SVIP: variants seen among roughly 807,000 people sequenced by gnomAD.
SVIP encodes the protein small VCP/p97-interacting protein.
In SVIP, 14 loss-of-function variants were observed where a neutral mutation model predicts 12.9. The observed-to-expected ratio is 1.08, with a 90% CI of 0.72 to 1.70. The LOEUF (loss-of-function observed/expected upper bound fraction) is 1.70, where lower values mean the gene tolerates loss of function less well. Among genes scored for constraint, SVIP ranks in the 40% most tolerant of loss-of-function variants. The pLI, the probability that SVIP is intolerant of heterozygous loss-of-function variation, is 0.00. For missense variants in SVIP, 93 were observed against 90.8 expected, an observed-to-expected ratio of 1.02 and a Z score of -0.10; for synonymous variants, 35 against 33.3, an observed-to-expected ratio of 1.05 and a Z score of -0.17.
At chr11:22,829,142 T>G (rs1056102193) in intron 1 of SVIP, 2 of 152,238 alleles carry the variant, frequency 1.3e-5, no homozygotes, top group Non-Finnish European at 2.9e-5. Context: ...TTGGACACTC[T>G]GTACTACATA....
intron 3 of SVIP, among the ~76,000 whole-genome samples, chr11:22,824,597 T>C (rs1278870721): frequency 6.6e-6 from 1 of 151,854 alleles, no homozygotes; most frequent in African/African-American, 2.4e-5. Context: ...ATTGTACAAT[T>C]TCTTAGAGGC....
chr11:22,823,626 C>A (rs571330397), intron 3 of SVIP, among the ~76,000 whole-genome samples: 5 of 152,306 alleles, frequency 3.3e-5, no homozygotes, highest in Admixed American at 1.3e-4. Context: ...CAACCCCAGG[C>A]AGTTTTCCTT....
At chr11:22,823,759 TCA>T (rs1857566071) in intron 3 of SVIP, among the ~76,000 whole-genome samples, 1 of 152,220 alleles carries the variant, frequency 6.6e-6, no homozygotes, top group African/African-American at 2.4e-5. Flanking sequence ...AGACAGGGTC[TCA>T]CTCTATCGCC....
In SVIP at chr11:22,823,050, T is replaced by A; in HGVS notation, c.*69A>T. On this transcript the variant is annotated 3_prime_UTR_variant, in exon 4 of 4. Transcript: ENST00000354193. ...TTTACTCAAAGAGAAGAAATTAAAT[T>A]GATGAAGCCCACTTGATTGCAGATA... 1 of 1,330,492 alleles carries A rather than the reference T, an allele frequency of 7.5e-7. No homozygotes were observed. Among genetic ancestry groups the A allele is most frequent in the South Asian group, 1.3e-5 (1 of 74,714 alleles). The allele number at this position is 1,330,492 out of a possible 1,614,324, so 82.4% of individuals were successfully genotyped here.
At chr11:22,824,511 CACAT>C (rs1226194133) in intron 3 of SVIP, among the ~76,000 whole-genome samples, 10 of 145,558 alleles carry the variant, frequency 6.9e-5, no homozygotes, top group African/African-American at 2.0e-4. Context: ...TATATATACA[CACAT>C]ATATATATAA....
chr11:22,827,982 T>C, intron 1 of SVIP, 108 bp from the exon 2 acceptor site: 3 of 757,774 alleles, frequency 4.0e-6, no homozygotes, highest in Non-Finnish European at 5.8e-6. Flanking sequence ...TATTCGGTAC[T>C]GGCCCTAAAT....
rs1392104468 is a variant in SVIP, at chr11:22,820,289, A to G, written c.*2830T>C. On this transcript the variant is annotated 3_prime_UTR_variant, in exon 4 of 4. Transcript: ENST00000354193. ...ATAATGCTTATCAGTGAAAATAAAA[A>G]GTCAAACATTTGGAGAAAGGGAAAA... is the stretch of plus-strand genomic sequence containing the variant. 1 of 152,236 alleles carries G rather than the reference A, an allele frequency of 6.6e-6. No individual in the cohort carries two copies. Among genetic ancestry groups the G allele is most frequent in the African/African-American group, 2.4e-5 (1 of 41,462 alleles). 9.4% of individuals were successfully genotyped at this position (152,236 alleles called of 1,614,324 possible).
rs531484330 is a variant in SVIP at position 22,823,527 on chromosome 11, G to A, written c.220-394C>T. Among the ~76,000 whole-genome samples the A allele has an allele frequency of 5.9e-5, 9 of 152,186 alleles. No individual in the cohort carries two copies. The South Asian group carries it at 1.9e-3, about 32-fold the overall frequency. On this transcript the variant is annotated intron_variant, in intron 3 of 3. Transcript: ENST00000354193. ...ACGTCCTTCAATGCTTTAGCCCAAG[G>A]AGTCATGTAGTACCTCCCCTTCTAA...
intron 3 of SVIP, among the ~76,000 whole-genome samples, chr11:22,823,486 C>T (rs994238423): frequency 6.6e-6 from 1 of 152,038 alleles, no homozygotes; most frequent in African/African-American, 2.4e-5. Context: ...TGTTCCAGTC[C>T]CTCCCTAAAG....
At chr11:22,829,124 A>G (rs1003419175) in intron 1 of SVIP, 6 of 152,208 alleles carry the variant, frequency 3.9e-5, no homozygotes, top group African/African-American at 1.4e-4. Context: ...TAAATACGAC[A>G]TTATAAATTG....
intron 3 of SVIP, among the ~76,000 whole-genome samples, 172 bp from the exon 4 acceptor site, chr11:22,823,305 G>A (rs935254686): frequency 6.6e-6 from 1 of 152,186 alleles, no homozygotes; most frequent in Non-Finnish European, 1.5e-5. Context: ...CCTGAAATAA[G>A]ATGATAGTTT....
rs766304001 is a variant in SVIP, at chr11:22,827,266, TTTTC to T, written c.156_159del (p.Lys53ArgfsTer4). ...GCAATTTGTTTTTCTATTTTTTCCT[TTTTC>T]TTTCTCTTTTCTTGCACAGATTGAA... On this transcript the variant is annotated frameshift_variant, in exon 3 of 4. Transcript: ENST00000354193. LOFTEE classifies it high-confidence loss of function. 11 of 1,611,136 alleles carry T rather than the reference TTTTC, an allele frequency of 6.8e-6. No individual in the cohort carries two copies. The South Asian group carries it at 7.7e-5, about 11-fold the overall frequency.
In SVIP at chr11:22,821,098, TTA is replaced by T. The variant is rs1455698025; in HGVS notation, c.*2019_*2020del. The T allele has an allele frequency of 2.7e-5, 4 of 148,252 alleles. No homozygotes were observed. In the East Asian group the frequency reaches 7.8e-4, roughly 29 times the overall value. The allele number at this position is 148,252 out of a possible 1,614,324, so 9.2% of individuals were successfully genotyped here. A position where few individuals can be genotyped will look rare whatever the true frequency, so the allele number is the denominator to read the frequency against. On this transcript the variant is annotated 3_prime_UTR_variant, in exon 4 of 4. Coordinates refer to ENST00000354193, the MANE Select transcript of SVIP (RefSeq NM_148893.3). ...ATATATAAATTAGAATTTGCAGATA[TTA>T]TGTGTATATATATACACACATATAT...
intron 3 of SVIP, among the ~76,000 whole-genome samples, chr11:22,826,610 G>A (rs899452540): frequency 2.0e-5 from 3 of 152,082 alleles, no homozygotes; most frequent in African/African-American, 4.8e-5. Context: ...AGCATTCAGA[G>A]ACTCTGCTTA....
rs991495522 is a variant in SVIP, at chr11:22,821,580, C to G, written c.*1539G>C. Reference sequence around the variant, plus strand: ...TTGCAGAGTTCAAGGATGATATGCTCTAGCTCTATATGCACTCCGCTATCA... The same window carrying G: ...TTGCAGAGTTCAAGGATGATATGCTGTAGCTCTATATGCACTCCGCTATCA... On this transcript the variant is annotated 3_prime_UTR_variant, in exon 4 of 4. Coordinates refer to ENST00000354193, the MANE Select transcript of SVIP (RefSeq NM_148893.3). 1.3e-5 allele frequency: 2 copies of G among 152,246 alleles called. No homozygotes were observed. Among genetic ancestry groups the G allele is most frequent in the African/African-American group, 4.8e-5 (2 of 41,548 alleles). 9.4% of individuals were successfully genotyped at this position (152,246 alleles called of 1,614,324 possible).
Position 22,820,493 on chromosome 11 carries a change from T to A in SVIP, c.*2626A>T, listed in dbSNP as rs1046182739. On this transcript the variant is annotated 3_prime_UTR_variant, in exon 4 of 4. Transcript: ENST00000354193. Reference sequence around the variant, plus strand: ...ACAACCTTTGGTTCTGTTGCTCTTCTGAATCCCAATGTGATTAAAATGTTC... The same window carrying A: ...ACAACCTTTGGTTCTGTTGCTCTTCAGAATCCCAATGTGATTAAAATGTTC... 1 of 152,214 alleles carries A rather than the reference T, an allele frequency of 6.6e-6. No individual in the cohort carries two copies. Among genetic ancestry groups the A allele is most frequent in the African/African-American group, 2.4e-5 (1 of 41,466 alleles). 9.4% of individuals were successfully genotyped at this position (152,214 alleles called of 1,614,324 possible). A position where few individuals can be genotyped will look rare whatever the true frequency, so the allele number is the denominator to read the frequency against.
At chr11:22,828,704 G>A (rs967925223) in intron 1 of SVIP, among the ~76,000 whole-genome samples, 2 of 152,034 alleles carry the variant, frequency 1.3e-5, no homozygotes, top group African/African-American at 2.4e-5. Context: ...TCGACAGCCA[G>A]AACAACAAAA....
intron 1 of SVIP, chr11:22,829,471 G>C (rs1320880971): frequency 7.5e-6 from 3 of 401,628 alleles, no homozygotes; most frequent in Non-Finnish European, 1.3e-5. Context: ...GCCGCCTTTC[G>C]ACAACTTTTT....
At chr11:22,825,436 T>C (rs148225808) in intron 3 of SVIP, among the ~76,000 whole-genome samples, 1 of 152,204 alleles carries the variant, frequency 6.6e-6, no homozygotes, top group Non-Finnish European at 1.5e-5. Flanking sequence ...CAAGGAAAAA[T>C]TACTCACAGT....
Sources: allele counts gnomAD v4.1 joint callset (sites outside exome capture counted in the v4.1 genomes callset), GRCh38; gene constraint gnomAD v4.1.1; transcripts MANE v1.5; gene names NCBI Gene and HGNC (gene_info 2026-07-23, HGNC 2026-07-21).